EXOC4: variants seen among roughly 807,000 people sequenced by gnomAD.
EXOC4 encodes the protein SEC8-like 1.
EXOC4 carries 71 observed loss-of-function variants against 107.2 expected under a neutral mutation model. That is an observed-to-expected ratio of 0.66 (90% CI 0.55 to 0.81). The LOEUF (loss-of-function observed/expected upper bound fraction) is 0.81, where lower values mean the gene tolerates loss of function less well. Ranked by LOEUF, EXOC4 falls within the 30% of genes least tolerant of loss-of-function variation. The probability of loss-of-function intolerance (pLI) is 0.00; values close to 1 mark genes in which losing one functional copy is unlikely to be tolerated. For synonymous variants in EXOC4, 456 were observed against 441.2 expected (o/e 1.03, Z -0.42); for missense variants, 1,108 against 1,189.6 (o/e 0.93, Z 1.01).
intron 11 of EXOC4, among the ~76,000 whole-genome samples, chr7:133,888,791 G>C (rs1234551148): frequency 6.6e-6 from 1 of 152,198 alleles, no homozygotes; most frequent in Non-Finnish European, 1.5e-5. Context: ...GGTATACTTA[G>C]AGGAGCAAAG....
intron 5 of EXOC4, among the ~76,000 whole-genome samples, chr7:133,356,079 T>G (rs1213170941): frequency 1.3e-5 from 2 of 152,212 alleles, no homozygotes; most frequent in Non-Finnish European, 2.9e-5. Flanking sequence ...TGTGGAAAAC[T>G]TCCCATGGTG....
intron 14 of EXOC4, among the ~76,000 whole-genome samples, chr7:133,985,286 T>C (rs887208703): frequency 6.6e-6 from 1 of 152,116 alleles, no homozygotes. Flanking sequence ...ATATAAAACA[T>C]CCCCTCTGTG....
intron 9 of EXOC4, among the ~76,000 whole-genome samples, chr7:133,495,983 T>G (rs1799469770): frequency 6.6e-6 from 1 of 152,176 alleles, no homozygotes; most frequent in Non-Finnish European, 1.5e-5. Flanking sequence ...TACCATTCTC[T>G]TGAGTGTGTA....
chr7:133,754,295 G>A (rs1328285927), intron 10 of EXOC4, among the ~76,000 whole-genome samples: 4 of 152,178 alleles, frequency 2.6e-5, no homozygotes, highest in Non-Finnish European at 4.4e-5. Context: ...GCAGCTTTCT[G>A]GAGAAAGATG....
intron 10 of EXOC4, among the ~76,000 whole-genome samples, chr7:133,717,834 C>T (rs529616095): frequency 3.3e-5 from 5 of 152,242 alleles, no homozygotes; most frequent in African/African-American, 1.2e-4. Context: ...AAAAAGTTGC[C>T]TTAACTAAAG....
chr7:133,391,824 T>A (rs1397703106), intron 7 of EXOC4, among the ~76,000 whole-genome samples: 4 of 152,178 alleles, frequency 2.6e-5, no homozygotes, highest in Non-Finnish European at 5.9e-5. Context: ...GAGATTAACA[T>A]TGGCAGTGCT....
intron 17 of EXOC4, among the ~76,000 whole-genome samples, chr7:134,028,261 T>C (rs922671273): frequency 2.0e-5 from 3 of 152,254 alleles, no homozygotes; most frequent in African/African-American, 7.2e-5. Context: ...TCTGTTCACA[T>C]ACTCAAGTCC....
intron 11 of EXOC4, among the ~76,000 whole-genome samples, chr7:133,841,984 A>G (rs1203605772): frequency 2.0e-5 from 3 of 152,174 alleles, no homozygotes; most frequent in Admixed American, 2.0e-4. Context: ...TGCTGCAAAG[A>G]ACGTGAGTTC....
At chr7:133,613,532 A>G (rs1310249669) in intron 9 of EXOC4, among the ~76,000 whole-genome samples, 1 of 152,112 alleles carries the variant, frequency 6.6e-6, no homozygotes, top group Non-Finnish European at 1.5e-5. Context: ...GAATAACTCC[A>G]TGGAACCCAT....
intron 11 of EXOC4, among the ~76,000 whole-genome samples, chr7:133,831,801 T>A (rs1797816789): frequency 6.6e-6 from 1 of 152,218 alleles, no homozygotes; most frequent in Admixed American, 6.5e-5. Flanking sequence ...GTGTATATAC[T>A]AACCCTTGAA....
intron 17 of EXOC4, among the ~76,000 whole-genome samples, chr7:134,040,743 C>A (rs1795495909): frequency 1.3e-5 from 2 of 152,100 alleles, no homozygotes; most frequent in African/African-American, 2.4e-5. Flanking sequence ...GCTCAATTAA[C>A]AATATTTGTA....
At chr7:133,359,478 A>G (rs1043966102) in intron 6 of EXOC4, among the ~76,000 whole-genome samples, 2 of 152,174 alleles carry the variant, frequency 1.3e-5, no homozygotes, top group African/African-American at 4.8e-5. Flanking sequence ...TTTATGGCTA[A>G]AGATATATGA....
intron 9 of EXOC4, among the ~76,000 whole-genome samples, chr7:133,492,785 C>T (rs2150876644): frequency 6.6e-6 from 1 of 152,116 alleles, no homozygotes; most frequent in South Asian, 2.1e-4. Context: ...AGCGATGTCT[C>T]TTGATAACTT....
At chr7:133,281,633 T>C (rs1460263800) in intron 2 of EXOC4, among the ~76,000 whole-genome samples, 1 of 152,070 alleles carries the variant, frequency 6.6e-6, no homozygotes, top group Admixed American at 6.6e-5. Context: ...TTACAGATAA[T>C]ATGCATGCTC....
chr7:133,734,780 G>A (rs1795402690), intron 10 of EXOC4, among the ~76,000 whole-genome samples: 1 of 151,818 alleles, frequency 6.6e-6, no homozygotes, highest in Admixed American at 6.6e-5. Flanking sequence ...TTTAAAACCT[G>A]AAAAAAATCC....
chr7:133,990,130 G>A (rs528127361), intron 14 of EXOC4, among the ~76,000 whole-genome samples: 3 of 152,122 alleles, frequency 2.0e-5, no homozygotes, highest in African/African-American at 7.2e-5. Flanking sequence ...TCTTTATGTT[G>A]AGAACATCAC....
At chr7:134,069,310 T>C (rs199753013), downstream of EXOC4, among the ~76,000 whole-genome samples, 1 of 130,116 alleles carries the variant, frequency 7.7e-6, no homozygotes, top group African/African-American at 3.0e-5. Flanking sequence ...TCCTCCTCCT[T>C]TCTTCCTTCT....
intron 10 of EXOC4, among the ~76,000 whole-genome samples, chr7:133,737,887 T>A (rs1168217813): frequency 6.7e-6 from 1 of 149,682 alleles, no homozygotes; most frequent in East Asian, 2.0e-4. Flanking sequence ...GCCCACTTTT[T>A]TGTGCCTCTT....
intron 1 of EXOC4, among the ~76,000 whole-genome samples, chr7:133,264,545 TAATAA>T (rs1793671713): frequency 6.6e-6 from 1 of 152,184 alleles, no homozygotes; most frequent in Non-Finnish European, 1.5e-5. Flanking sequence ...TAATTGAATA[TAATAA>T]AATGCGATTT....
Sources: allele counts gnomAD v4.1 joint callset (sites outside exome capture counted in the v4.1 genomes callset), GRCh38; gene constraint gnomAD v4.1.1; transcripts MANE v1.5; gene names NCBI Gene and HGNC (gene_info 2026-07-23, HGNC 2026-07-21).